Variants in SIPA1L1 observed in about 807,000 individuals in gnomAD.
The protein encoded by SIPA1L1 is signal-induced proliferation-associated 1-like protein 1.
Under a neutral mutation model 162.7 loss-of-function variants are expected in SIPA1L1, and 26 were observed. The observed-to-expected ratio is 0.16, with a 90% CI of 0.12 to 0.22. The LOEUF is 0.22. SIPA1L1 is among the 10% of genes least tolerant of loss of function. The pLI, the probability that SIPA1L1 is intolerant of heterozygous loss-of-function variation, is 1.00. For synonymous variants in SIPA1L1, 829 were observed against 837.4 expected, an observed-to-expected ratio of 0.99 and a Z score of 0.17; for missense variants, 1,874 against 2,241.0, an observed-to-expected ratio of 0.84 and a Z score of 3.31.
At chr14:71,344,772 C>CA (rs1385970504) in intron 2 of SIPA1L1, among the ~76,000 whole-genome samples, 2 of 152,072 alleles carry the variant, frequency 1.3e-5, no homozygotes, top group African/African-American at 4.8e-5. Flanking sequence ...TGCCACGTTA[C>CA]ACAGGCTGCT....
At chr14:71,641,987 T>C (rs930329912) in intron 7 of SIPA1L1, among the ~76,000 whole-genome samples, 1 of 152,224 alleles carries the variant, frequency 6.6e-6, no homozygotes, top group Non-Finnish European at 1.5e-5. Flanking sequence ...TATTAAATTA[T>C]ACGCCTTGCA....
intron 2 of SIPA1L1, among the ~76,000 whole-genome samples, chr14:71,428,675 C>CAGGA (rs2043764489): frequency 6.6e-6 from 1 of 152,156 alleles, no homozygotes; most frequent in South Asian, 2.1e-4. Flanking sequence ...GAGGGGCTTC[C>CAGGA]TGCAAGAGGG....
intron 2 of SIPA1L1, among the ~76,000 whole-genome samples, chr14:71,360,141 TG>T (rs2037665745): frequency 6.6e-6 from 1 of 152,202 alleles, no homozygotes; most frequent in African/African-American, 2.4e-5. Context: ...TGCTAAAACA[TG>T]AGACAAAGCG....
rs191719165 is a variant in SIPA1L1 at position 71,359,297 on chromosome 14, G to A, written c.-465+38116G>A. 4.1e-4 allele frequency among the ~76,000 whole-genome samples: 63 copies of A among 152,186 alleles called. No homozygotes were observed. The East Asian group carries it at 0.011, about 26-fold the overall frequency. On this transcript the variant is annotated intron_variant, in intron 2 of 23. Transcript: ENST00000381232. The stretch of plus-strand genomic sequence containing the variant: ...TCACTTTGCTCTTCCTTCACCTTCC[G>A]CCATGATTGTGTGGTCTCCCCAGCC...
chr14:71,502,444 T>G (rs1388235089), intron 2 of SIPA1L1, among the ~76,000 whole-genome samples: 1 of 151,254 alleles, frequency 6.6e-6, no homozygotes, highest in Non-Finnish European at 1.5e-5. Context: ...AGAGACAGGG[T>G]CTCACTATGT....
At chr14:71,633,390 T>G (rs1183801453) in intron 7 of SIPA1L1, among the ~76,000 whole-genome samples, 1 of 152,182 alleles carries the variant, frequency 6.6e-6, no homozygotes, top group Non-Finnish European at 1.5e-5. Context: ...GCTAGGATGG[T>G]CTCGATCTCT....
chr14:71,413,035 A>G (rs2042517208), intron 2 of SIPA1L1, among the ~76,000 whole-genome samples: 1 of 152,188 alleles, frequency 6.6e-6, no homozygotes, highest in South Asian at 2.1e-4. Context: ...TCTAAACCTC[A>G]CCAGTATTTT....
chr14:71,395,215 A>T (rs2041087363), intron 2 of SIPA1L1, among the ~76,000 whole-genome samples: 1 of 152,194 alleles, frequency 6.6e-6, no homozygotes. Flanking sequence ...GCAAGTGTGA[A>T]ATTGTCAGCC....
At chr14:71,688,461 C>G (rs571846700) in intron 13 of SIPA1L1, among the ~76,000 whole-genome samples, 20 of 152,344 alleles carry the variant, frequency 1.3e-4, no homozygotes, top group African/African-American at 4.3e-4. Context: ...AGAGCAGATT[C>G]ATGAGTTTTA....
chr14:71,589,145 G>A lies in SIPA1L1; in HGVS notation c.1273G>A (p.Gly425Arg). Residue 425 changes from glycine to arginine, a missense_variant, in exon 5 of 24, where the codon GGG becomes AGG. Physicochemically the swap from Gly to Arg is moderately radical, Grantham distance 125. Coordinates refer to ENST00000381232, the MANE Select transcript of SIPA1L1 (RefSeq NM_001386936.1). ...PYFRNEIGGE[G>R]ERKISLSKSN... ...TTTTCGGAATGAGATAGGTGGAGAA[G>A]GGGAGAGGAAAATCAGCCTTTCAAA... is the stretch of plus-strand genomic sequence containing the variant. 1 of 1,614,100 alleles carries A rather than the reference G, an allele frequency of 6.2e-7. No homozygotes were observed. Among genetic ancestry groups the A allele is most frequent in the Non-Finnish European group, 8.5e-7 (1 of 1,179,964 alleles).
chr14:71,568,249 C>T (rs761619331), intron 4 of SIPA1L1, among the ~76,000 whole-genome samples: 2 of 152,062 alleles, frequency 1.3e-5, no homozygotes, highest in African/African-American at 2.4e-5. Flanking sequence ...ACATATTTCT[C>T]TCCTCCCTTT....
chr14:71,650,358 C>T lies in SIPA1L1; in HGVS notation c.1842C>T (p.Gly614=). ...EQGLNYQQKV[G]IMYCKAGQST... ...AGCTGAACTACCAGCAGAAAGTAGGCATCATGTACTGCAAAGCTGGACAGA... is the reference window on the plus strand; with the variant it reads ...AGCTGAACTACCAGCAGAAAGTAGGTATCATGTACTGCAAAGCTGGACAGA... Residue 614 remains glycine (G), a synonymous_variant, in exon 8 of 24, where the codon GGC becomes GGT. Transcript: ENST00000381232. The T allele has an allele frequency of 6.2e-7, 1 of 1,614,098 alleles. No homozygotes were observed. The highest frequency in any genetic ancestry group is 8.5e-7 in the Non-Finnish European group (1 of 1,179,958).
At chr14:71,445,187 G>GA (rs1406119992) in intron 2 of SIPA1L1, among the ~76,000 whole-genome samples, 1 of 152,156 alleles carries the variant, frequency 6.6e-6, no homozygotes, top group Non-Finnish European at 1.5e-5. Flanking sequence ...TTATTAAGCT[G>GA]AAAATCTTCT....
chr14:71,693,000 G>A (rs1310786409), intron 13 of SIPA1L1, among the ~76,000 whole-genome samples: 1 of 152,172 alleles, frequency 6.6e-6, no homozygotes, highest in Non-Finnish European at 1.5e-5. Context: ...GTAGGTCACA[G>A]CCCCACCTCT....
Position 71,588,364 on chromosome 14 carries a change from A to G in SIPA1L1, c.492A>G (p.Arg164=), listed in dbSNP as rs1185402262. 2 of 1,613,800 alleles carry G rather than the reference A, an allele frequency of 1.2e-6. No individual in the cohort carries two copies. Among genetic ancestry groups the G allele is most frequent in the Non-Finnish European group, 8.5e-7 (1 of 1,179,986 alleles). The change falls in exon 5 of 24, where the codon AGA becomes AGG. Residue 164 remains arginine (R), a synonymous_variant. Transcript: ENST00000381232. The surrounding 1 kb of genome is among the most constrained non-coding windows in gnomAD (Gnocchi z 4.3). ...CTGAAGCCTACCCCAGCTCCCCCAGAAAAGCTCTTCGCAGAATACGCCAGC... is the reference window on the plus strand; with the variant it reads ...CTGAAGCCTACCCCAGCTCCCCCAGGAAAGCTCTTCGCAGAATACGCCAGC... ...LMPEAYPSSP[R]KALRRIRQRS...
At chr14:71,724,564 A>C in intron 18 of SIPA1L1, 106 bp from the exon 19 acceptor site, 1 of 827,400 alleles carries the variant, frequency 1.2e-6, no homozygotes. Flanking sequence ...TCTCCACATA[A>C]TATTTCTCTA....
chr14:71,633,494 A>G (rs949540429), intron 7 of SIPA1L1, among the ~76,000 whole-genome samples: 2 of 152,134 alleles, frequency 1.3e-5, no homozygotes, highest in African/African-American at 4.8e-5. Flanking sequence ...TTTAAAAATG[A>G]AAAAATAGAA....
At chr14:71,435,211 A>G (rs945187747) in intron 2 of SIPA1L1, among the ~76,000 whole-genome samples, 14 of 151,968 alleles carry the variant, frequency 9.2e-5, no homozygotes, top group African/African-American at 2.7e-4. Context: ...GTTCTAGGGT[A>G]CATGTGCACA....
At chr14:71,544,259 C>T (rs1387058396) in intron 4 of SIPA1L1, among the ~76,000 whole-genome samples, 2 of 105,588 alleles carry the variant, frequency 1.9e-5, no homozygotes, top group Non-Finnish European at 5.1e-5. Context: ...TGTATATACA[C>T]ATGATATGTG....
Sources: gnomAD v4.1 joint callset for allele counts (sites outside exome capture counted in the v4.1 genomes callset) on GRCh38, gnomAD v4.1.1 for gene constraint, Gnocchi (gnomAD v3.1) non-coding constraint, MANE v1.5 for transcripts, NCBI Gene and HGNC (gene_info 2026-07-23, HGNC 2026-07-21) for gene names.